Variants in MYO1F observed in about 807,000 individuals in gnomAD.
The protein encoded by MYO1F is unconventional myosin-If.
In MYO1F, 60 loss-of-function variants were observed where a neutral mutation model predicts 146.6. That is an observed-to-expected ratio of 0.41 (90% CI 0.33 to 0.51). The LOEUF (loss-of-function observed/expected upper bound fraction) is 0.51, where lower values mean the gene tolerates loss of function less well. MYO1F is among the 20% of genes least tolerant of loss of function. MYO1F has a pLI of 0.25. For missense variants in MYO1F, 1,274 were observed against 1,534.3 expected (o/e 0.83, Z 2.83); for synonymous variants, 602 against 602.1 (o/e 1.00, Z 0.00).
intron 14 of MYO1F, among the ~76,000 whole-genome samples, chr19:8,543,584 A>G (rs1232833938): frequency 3.3e-5 from 5 of 151,376 alleles, no homozygotes; most frequent in African/African-American, 4.9e-5. Flanking sequence ...GTGTAAGGGA[A>G]GCTGTGGCCT....
intron 12 of MYO1F, among the ~76,000 whole-genome samples, chr19:8,547,553 G>A (rs1157027819): frequency 6.7e-6 from 1 of 148,730 alleles, no homozygotes; most frequent in African/African-American, 2.5e-5. Context: ...GCAGTGAGCC[G>A]AGATCATGCC....
intron 25 of MYO1F, among the ~76,000 whole-genome samples, chr19:8,524,351 A>G: frequency 6.7e-6 from 1 of 149,054 alleles, no homozygotes; most frequent in East Asian, 2.0e-4. Flanking sequence ...AGAAGGTGGA[A>G]AGTTGCAGTG....
In MYO1F at chr19:8,527,475, C is replaced by T; in HGVS notation, c.2337G>A (p.Lys779=). 2 of 1,613,984 alleles carry T rather than the reference C, an allele frequency of 1.2e-6. No homozygotes were observed. The highest frequency in any genetic ancestry group is 1.3e-5 in the African/African-American group (1 of 75,048). ...ACTTGGGCGTCAGGATCAAGTCCCG[C>T]TTGATGGGCTGTGGGGATGCAGGAT... The part of the protein sequence containing the change: ...TKYDRRFKPI[K]RDLILTPKCV... Residue 779 remains lysine (K), a synonymous_variant, in exon 22 of 28, where the codon AAG becomes AAA. Transcript: ENST00000644032.
In MYO1F at chr19:8,526,445, A is replaced by T; in HGVS notation, c.2770+8T>A. ...CGCCCCCTCTGCCCTAGTTCCGCGC[A>T]GACTCACTGGAGCTCTTGGGCAGCC... On this transcript the variant is annotated splice_region_variant and intron_variant, in intron 24 of 27. Coordinates refer to ENST00000644032, the MANE Select transcript of MYO1F (RefSeq NM_012335.4). The T allele has an allele frequency of 1.9e-6, 3 of 1,553,594 alleles. No individual in the cohort carries two copies. Among genetic ancestry groups the T allele is most frequent in the Non-Finnish European group, 2.6e-6 (3 of 1,148,514 alleles).
At chr19:8,566,530 TTG>T in intron 1 of MYO1F, among the ~76,000 whole-genome samples, 1 of 150,708 alleles carries the variant, frequency 6.6e-6, no homozygotes, top group Non-Finnish European at 1.5e-5. Flanking sequence ...TTATTTATTT[TTG>T]AAACAGAGTG....
At chr19:8,553,276 G>T (rs1300026810) in intron 5 of MYO1F, 48 bp from the exon 6 acceptor site, 1 of 1,609,680 alleles carries the variant, frequency 6.2e-7, no homozygotes, top group Admixed American at 1.7e-5. Flanking sequence ...TGAGGCAGGA[G>T]TGCAGATGGG....
At chr19:8,565,631 G>C (rs531365076) in intron 1 of MYO1F, among the ~76,000 whole-genome samples, 1 of 152,220 alleles carries the variant, frequency 6.6e-6, no homozygotes, top group East Asian at 1.9e-4. Context: ...GAGCAGGGTC[G>C]TGAGTGGTGA....
intron 12 of MYO1F, 34 bp from the exon 13 acceptor site, chr19:8,545,770 G>T (rs780034209): frequency 6.5e-7 from 1 of 1,540,192 alleles, no homozygotes; most frequent in Non-Finnish European, 9.0e-7. Context: ...GTGGGGGCCA[G>T]TGAAAAAGTT....
intron 1 of MYO1F, among the ~76,000 whole-genome samples, chr19:8,571,650 T>G (rs911795068): frequency 1.3e-5 from 2 of 151,144 alleles, no homozygotes; most frequent in Non-Finnish European, 2.9e-5. Context: ...CAGGCTGGAG[T>G]GCAGTGGCGC....
intron 14 of MYO1F, chr19:8,543,984 CTGGTGG>C (rs1178984663): frequency 1.3e-3 from 230 of 173,174 alleles, no homozygotes; most frequent in Middle Eastern, 3.2e-3. Flanking sequence ...GGTGCTGGTG[CTGGTGG>C]TGGTGCTGGT....
In MYO1F at chr19:8,545,749, A is replaced by AG; in HGVS notation, c.1270-14dup. 1 of 1,607,064 alleles carries AG rather than the reference A, an allele frequency of 6.2e-7. No homozygotes were observed. The highest frequency in any genetic ancestry group is 8.5e-7 in the Non-Finnish European group (1 of 1,173,720). Reference sequence around the variant, plus strand: ...GCACATACTCCTCCTGGGGTGGAAAAGGGGGTGGATGTGGGGGCCAGTGAA... The same window carrying AG: ...GCACATACTCCTCCTGGGGTGGAAAAGGGGGGTGGATGTGGGGGCCAGTGAA... On this transcript the variant is annotated splice_polypyrimidine_tract_variant and intron_variant, in intron 12 of 27. Coordinates refer to ENST00000644032, the MANE Select transcript of MYO1F (RefSeq NM_012335.4).
At chr19:8,543,870 GTGGTGC>G (rs1277938434) in intron 14 of MYO1F, among the ~76,000 whole-genome samples, 9 of 72,658 alleles carry the variant, frequency 1.2e-4, no homozygotes, top group African/African-American at 7.1e-4. Context: ...GGTGGTGCTG[GTGGTGC>G]TGGTGGTGGT....
intron 15 of MYO1F, among the ~76,000 whole-genome samples, chr19:8,541,429 T>G (rs1268724850): frequency 1.0e-3 from 149 of 143,162 alleles, no homozygotes; most frequent in Middle Eastern, 7.1e-3. Context: ...GTGTGTGTTT[T>G]TTTTTTTTTT....
At position 8,536,338 on chromosome 19, in the gene MYO1F, C is replaced by T. The variant is rs199663368; in HGVS notation, c.1957G>A (p.Val653Ile). Residue 653 changes from valine (V) to isoleucine (I), a missense_variant, in exon 19 of 28, where the codon GTC becomes ATC. Physicochemically the swap from Val to Ile is conservative, Grantham distance 29. Around this residue, in one of 2 missense-constraint regions of MYO1F, gnomAD observed 900 missense variants for 1,155.1 expected, o/e 0.78. Transcript: ENST00000644032. ...TTGACCGCCCGAAGCAGGTGCTGGA[C>T]GCCCTGGCGTTCGTCCCCACGCCAC... ...PRWRGDERQG[V>I]QHLLRAVNME... The T allele has an allele frequency of 3.7e-5, 60 of 1,607,292 alleles. No individual in the cohort carries two copies. The East Asian group carries it at 8.0e-4, about 22-fold the overall frequency.
chr19:8,575,441 T>C (rs1329308184), intron 1 of MYO1F, among the ~76,000 whole-genome samples: 1 of 151,740 alleles, frequency 6.6e-6, no homozygotes, highest in East Asian at 1.9e-4. Context: ...CAACAGGGTT[T>C]GCGATCCTGT....
At chr19:8,527,571 G>A in intron 21 of MYO1F, 88 bp from the exon 22 acceptor site, 3 of 1,548,998 alleles carry the variant, frequency 1.9e-6, no homozygotes, top group Middle Eastern at 1.8e-4. Context: ...GGTGGTGCTG[G>A]CAGGTCAGGT....
At chr19:8,574,929 T>G (rs1296549116) in intron 1 of MYO1F, among the ~76,000 whole-genome samples, 1 of 151,248 alleles carries the variant, frequency 6.6e-6, no homozygotes, top group Non-Finnish European at 1.5e-5. Flanking sequence ...CTAATTTTTG[T>G]ATTTTTAGTA....
rs772344634 is a variant in MYO1F at position 8,521,165 on chromosome 19, G to A, written c.*363C>T. The A allele has an allele frequency of 6.4e-5, 23 of 359,474 alleles. No homozygotes were observed. Among genetic ancestry groups the A allele is most frequent in the Admixed American group, 1.6e-4 (4 of 25,742 alleles). 22.3% of individuals were successfully genotyped at this position (359,474 alleles called of 1,614,324 possible). A position where few individuals can be genotyped will look rare whatever the true frequency, so the allele number is the denominator to read the frequency against. On this transcript the variant is annotated 3_prime_UTR_variant, in exon 28 of 28. Coordinates refer to ENST00000644032, the MANE Select transcript of MYO1F (RefSeq NM_012335.4). The stretch of plus-strand genomic sequence containing the variant: ...GTGATGACAGAATGAGCAAAGTCAC[G>A]CTTGTTAAGGACCCCCCCCTCCCCA...
chr19:8,575,045 T>A (rs1385428682), intron 1 of MYO1F, among the ~76,000 whole-genome samples: 1 of 150,936 alleles, frequency 6.6e-6, no homozygotes, highest in Non-Finnish European at 1.5e-5. Context: ...CATGAGCCAC[T>A]GCACCCTGCC....
Sources: allele counts gnomAD v4.1 joint callset (sites outside exome capture counted in the v4.1 genomes callset), GRCh38; gene constraint gnomAD v4.1.1; regional missense constraint gnomAD v4.1.1; transcripts MANE v1.5; gene names NCBI Gene and HGNC (gene_info 2026-07-23, HGNC 2026-07-21).